ADIPOR2: variants seen among roughly 807,000 people sequenced by gnomAD.
The protein encoded by ADIPOR2 is adiponectin receptor 2.
In ADIPOR2, 18 loss-of-function variants were observed where a neutral mutation model predicts 40.9. The observed-to-expected ratio is 0.44, with a 90% CI of 0.30 to 0.65. The LOEUF is 0.65. Ranked by LOEUF, ADIPOR2 falls within the 30% of genes least tolerant of loss-of-function variation. The probability of loss-of-function intolerance (pLI) is 0.09; values close to 1 mark genes in which losing one functional copy is unlikely to be tolerated. For synonymous variants in ADIPOR2, 165 were observed against 166.4 expected (o/e 0.99, Z 0.06); for missense variants, 283 against 479.2 (o/e 0.59, Z 3.82).
At chr12:1,705,447 A>G (rs1204892791) in intron 1 of ADIPOR2, among the ~76,000 whole-genome samples, 1 of 152,204 alleles carries the variant, frequency 6.6e-6, no homozygotes, top group Non-Finnish European at 1.5e-5. Context: ...CCACAAGTGG[A>G]AAATTCCATA....
Position 1,780,485 on chromosome 12 carries a change from T to C in ADIPOR2, c.498T>C (p.Tyr166=), listed in dbSNP as rs759873192. The C allele has an allele frequency of 4.3e-6, 7 of 1,612,714 alleles. No homozygotes were observed. Among genetic ancestry groups the C allele is most frequent in the Non-Finnish European group, 5.9e-6 (7 of 1,179,572 alleles). The part of the protein sequence containing the change: ...CVFFLCLGIF[Y]MFRPNISFVA... Reference sequence around the variant, plus strand: ...TCTTCCTGTGCCTGGGGATCTTTTATATGTTTCGCCCAAATATCTCCTTTG... The same window carrying C: ...TCTTCCTGTGCCTGGGGATCTTTTACATGTTTCGCCCAAATATCTCCTTTG... The change falls in exon 5 of 8, where the codon TAT becomes TAC. Residue 166 remains tyrosine (Y), a synonymous_variant. Coordinates refer to ENST00000357103, the MANE Select transcript of ADIPOR2 (RefSeq NM_024551.3).
At chr12:1,741,151 G>A (rs768167372) in intron 1 of ADIPOR2, among the ~76,000 whole-genome samples, 1 of 152,152 alleles carries the variant, frequency 6.6e-6, no homozygotes, top group African/African-American at 2.4e-5. Flanking sequence ...TAAAGATTTG[G>A]CTTCCTTTTG....
chr12:1,691,694 C>T (rs2094627480), intron 1 of ADIPOR2, among the ~76,000 whole-genome samples: 3 of 152,172 alleles, frequency 2.0e-5, no homozygotes, highest in Non-Finnish European at 4.4e-5. Flanking sequence ...TTTCAGGTGG[C>T]GCGTCAGGCA....
At chr12:1,748,634 T>A (rs535776608) in intron 1 of ADIPOR2, among the ~76,000 whole-genome samples, 10 of 152,154 alleles carry the variant, frequency 6.6e-5, no homozygotes, top group South Asian at 6.2e-4. Flanking sequence ...GTTTTTTTTT[T>A]AAGTTTTTTG....
chr12:1,757,633 C>G (rs2108642), intron 2 of ADIPOR2: 5 of 1,299,920 alleles, frequency 3.8e-6, no homozygotes, highest in Non-Finnish European at 5.6e-6. Context: ...TTTTGTGCCC[C>G]CAGAGATTTT....
chr12:1,708,942 A>G (rs758604150), intron 1 of ADIPOR2, among the ~76,000 whole-genome samples: 14 of 151,856 alleles, frequency 9.2e-5, no homozygotes, highest in Non-Finnish European at 1.9e-4. Context: ...CTGGTCTCGA[A>G]CTCTTGACTT....
chr12:1,763,912 G>A (rs909142288), intron 2 of ADIPOR2, among the ~76,000 whole-genome samples: 9 of 152,296 alleles, frequency 5.9e-5, no homozygotes, highest in African/African-American at 1.7e-4. Flanking sequence ...CCAGGAATTC[G>A]AGGCTGCAGT....
intron 1 of ADIPOR2, among the ~76,000 whole-genome samples, chr12:1,721,482 C>G (rs904458504): frequency 6.6e-6 from 1 of 152,166 alleles, no homozygotes; most frequent in Admixed American, 6.5e-5. Flanking sequence ...TGCCACAGTG[C>G]TGGGATTACA....
At chr12:1,714,638 C>G (rs541802703) in intron 1 of ADIPOR2, among the ~76,000 whole-genome samples, 1 of 152,142 alleles carries the variant, frequency 6.6e-6, no homozygotes, top group African/African-American at 2.4e-5. Flanking sequence ...GACTCCAGTC[C>G]CCATGATCTG....
At chr12:1,717,338 G>A (rs950385523) in intron 1 of ADIPOR2, among the ~76,000 whole-genome samples, 4 of 152,138 alleles carry the variant, frequency 2.6e-5, no homozygotes, top group Admixed American at 6.6e-5. Context: ...CCTTTAAAAT[G>A]TAATACCCTC....
At chr12:1,724,730 G>A (rs571985129) in intron 1 of ADIPOR2, among the ~76,000 whole-genome samples, 10 of 151,822 alleles carry the variant, frequency 6.6e-5, no homozygotes, top group Non-Finnish European at 1.5e-4. Flanking sequence ...TCACTCTGTC[G>A]CCCAGGCTGG....
At chr12:1,777,761 TA>T in intron 3 of ADIPOR2, 92 bp from the exon 4 acceptor site, 1 of 1,213,362 alleles carries the variant, frequency 8.2e-7, no homozygotes, top group Non-Finnish European at 1.2e-6. Context: ...TTTCCCATTA[TA>T]AAACAGTGTG....
At chr12:1,735,514 C>G (rs539660043) in intron 1 of ADIPOR2, among the ~76,000 whole-genome samples, 2 of 152,320 alleles carry the variant, frequency 1.3e-5, no homozygotes, top group South Asian at 2.1e-4. Context: ...ATGGGGTTTT[C>G]TAGATATACA....
chr12:1,772,825 C>T lies in ADIPOR2; in HGVS notation c.172-17C>T, dbSNP rs764224052. The T allele has an allele frequency of 1.3e-6, 2 of 1,596,716 alleles. No homozygotes were observed. Among genetic ancestry groups the T allele is most frequent in the Non-Finnish European group, 1.7e-6 (2 of 1,171,074 alleles). On this transcript the variant is annotated splice_polypyrimidine_tract_variant and intron_variant, in intron 2 of 7. Transcript: ENST00000357103. ...TCCCAGTCTCTGTCCTTGACTGTTT[C>T]TGTGATTGCCTTGCAGAGCTCTGAG...
intron 1 of ADIPOR2, among the ~76,000 whole-genome samples, chr12:1,733,717 A>G (rs2094724978): frequency 6.6e-6 from 1 of 151,954 alleles, no homozygotes; most frequent in African/African-American, 2.4e-5. Context: ...TTAACTAATC[A>G]TTTAACGTTA....
chr12:1,778,997 C>T (rs1028736160), intron 4 of ADIPOR2, among the ~76,000 whole-genome samples: 1 of 152,200 alleles, frequency 6.6e-6, no homozygotes, highest in African/African-American at 2.4e-5. Flanking sequence ...ACACTTCACA[C>T]CCACTAAGAT....
chr12:1,749,626 C>T (rs2094764634), intron 1 of ADIPOR2, among the ~76,000 whole-genome samples: 1 of 152,110 alleles, frequency 6.6e-6, no homozygotes, highest in South Asian at 2.1e-4. Flanking sequence ...TGTAGTTGGC[C>T]TTCAGTGAGG....
At chr12:1,755,685 T>G (rs1592614685) in intron 2 of ADIPOR2, among the ~76,000 whole-genome samples, 1 of 152,328 alleles carries the variant, frequency 6.6e-6, no homozygotes, top group African/African-American at 2.4e-5. Context: ...GTTACAGACA[T>G]TTTGCTATGT....
intron 1 of ADIPOR2, among the ~76,000 whole-genome samples, chr12:1,716,068 A>AC (rs1431760446): frequency 6.6e-6 from 1 of 152,210 alleles, no homozygotes; most frequent in African/African-American, 2.4e-5. Context: ...TAAGAGCTGT[A>AC]ACACTCACCA....
Sources: gnomAD v4.1 joint callset for allele counts (sites outside exome capture counted in the v4.1 genomes callset) on GRCh38, gnomAD v4.1.1 for gene constraint, MANE v1.5 for transcripts, NCBI Gene and HGNC (gene_info 2026-07-23, HGNC 2026-07-21) for gene names.